OSBPL8: variants seen among roughly 807,000 people sequenced by gnomAD.
OSBPL8 encodes the protein oxysterol binding protein like 8, also known as oxysterol-binding protein-related protein 8.
Under a neutral mutation model 125.5 loss-of-function variants are expected in OSBPL8, and 59 were observed. The observed-to-expected ratio is 0.47, with a 90% CI of 0.38 to 0.58. The LOEUF is 0.58. OSBPL8 is among the 20% of genes least tolerant of loss of function. The pLI is 0.00. For missense variants in OSBPL8, 758 were observed against 1,047.8 expected, an observed-to-expected ratio of 0.72 and a Z score of 3.82; for synonymous variants, 330 against 338.9, an observed-to-expected ratio of 0.97 and a Z score of 0.29.
At position 76,409,201 on chromosome 12, in the gene OSBPL8, C is replaced by A. The variant is rs189812904; in HGVS notation, c.288+1363G>T. 2.6e-5 allele frequency among the ~76,000 whole-genome samples: 4 copies of A among 152,260 alleles called. No homozygotes were observed. The East Asian group carries it at 7.7e-4, about 29-fold the overall frequency. On this transcript the variant is annotated intron_variant, in intron 5 of 23. Transcript: ENST00000261183. ...GAAAAGCAGAAAGGTCACTCTCTGA[C>A]CTTCTGCCTTTCTGCTCTGAAGCAG... is the stretch of plus-strand genomic sequence containing the variant.
At chr12:76,554,424 G>A (rs2137530426) in intron 1 of OSBPL8, among the ~76,000 whole-genome samples, 1 of 152,246 alleles carries the variant, frequency 6.6e-6, no homozygotes, top group Non-Finnish European at 1.5e-5. Context: ...CAAAGTCAAA[G>A]GTCAGGTTAA....
intron 4 of OSBPL8, among the ~76,000 whole-genome samples, chr12:76,415,274 T>G (rs187206150): frequency 2.0e-5 from 3 of 150,578 alleles, no homozygotes; most frequent in African/African-American, 7.3e-5. Context: ...AGATGGAGTC[T>G]CGCTCTGTCA....
intron 2 of OSBPL8, among the ~76,000 whole-genome samples, chr12:76,463,611 A>C (rs1168353932): frequency 6.6e-6 from 1 of 152,200 alleles, no homozygotes; most frequent in Non-Finnish European, 1.5e-5. Context: ...GGCCCTAGAA[A>C]AACATATATT....
intron 3 of OSBPL8, 142 bp from the exon 4 acceptor site, chr12:76,451,130 TCA>T (rs1444932805): frequency 3.3e-6 from 3 of 900,466 alleles, no homozygotes; most frequent in African/African-American, 1.7e-5. Context: ...TAATAAATTC[TCA>T]CAGTCATCTT....
intron 2 of OSBPL8, among the ~76,000 whole-genome samples, chr12:76,486,557 G>A (rs773403998): frequency 7.2e-5 from 11 of 152,068 alleles, no homozygotes; most frequent in Admixed American, 5.9e-4. Flanking sequence ...AATTATTCTG[G>A]AGTAAAATCT....
chr12:76,430,096 C>T (rs1870630062), intron 4 of OSBPL8, among the ~76,000 whole-genome samples: 1 of 152,164 alleles, frequency 6.6e-6, no homozygotes, highest in African/African-American at 2.4e-5. Flanking sequence ...CAAAGACAAT[C>T]CTGTCCGCTG....
chr12:76,358,175 CT>C (rs60714321), intron 22 of OSBPL8, among the ~76,000 whole-genome samples: 58 of 100,202 alleles, frequency 5.8e-4, no homozygotes, highest in Middle Eastern at 0.014. Flanking sequence ...GAGTGTGGTT[CT>C]TTTTTTTTTT....
chr12:76,369,949 T>TAA (rs1359455662), intron 19 of OSBPL8, 127 bp from the exon 20 acceptor site: 1 of 874,814 alleles, frequency 1.1e-6, no homozygotes, highest in Non-Finnish European at 1.7e-6. Flanking sequence ...TGACAACACT[T>TAA]ATGCTCATAG....
chr12:76,393,662 GA>G (rs1198781814), intron 9 of OSBPL8, among the ~76,000 whole-genome samples: 2 of 120,780 alleles, frequency 1.7e-5, no homozygotes, highest in African/African-American at 6.4e-5. Flanking sequence ...AGTGAGCCGA[GA>G]TCGCATCACT....
chr12:76,447,997 A>G (rs1872919529), intron 4 of OSBPL8, among the ~76,000 whole-genome samples: 1 of 152,368 alleles, frequency 6.6e-6, no homozygotes, highest in South Asian at 2.1e-4. Flanking sequence ...TTTGGGGAAA[A>G]CTAGGCAAAA....
At chr12:76,414,427 A>G (rs564596836) in intron 4 of OSBPL8, among the ~76,000 whole-genome samples, 368 of 149,376 alleles carry the variant, frequency 2.5e-3, no homozygotes, top group African/African-American at 8.7e-3. Flanking sequence ...ATATATATTT[A>G]AGGAACAGGG....
chr12:76,433,196 C>G (rs1381287313), intron 4 of OSBPL8, among the ~76,000 whole-genome samples: 2 of 152,160 alleles, frequency 1.3e-5, no homozygotes, highest in Non-Finnish European at 2.9e-5. Context: ...CTCACCACTT[C>G]CATTCAACCT....
At chr12:76,503,978 C>T (rs969656442) in intron 1 of OSBPL8, among the ~76,000 whole-genome samples, 1 of 150,904 alleles carries the variant, frequency 6.6e-6, no homozygotes, top group Admixed American at 6.6e-5. Context: ...ATAGATGTTG[C>T]TGTGAAGACT....
intron 3 of OSBPL8, among the ~76,000 whole-genome samples, chr12:76,452,058 A>T (rs542778486): frequency 3.3e-5 from 5 of 152,200 alleles, no homozygotes; most frequent in South Asian, 2.1e-4. Context: ...CAGAGGTTGC[A>T]GTGAGCAGAG....
At chr12:76,460,451 C>CT (rs1343650290) in intron 2 of OSBPL8, among the ~76,000 whole-genome samples, 1 of 147,252 alleles carries the variant, frequency 6.8e-6, no homozygotes, top group East Asian at 2.0e-4. Context: ...TGAAGAGCAT[C>CT]TACAGAGGCA....
At chr12:76,513,343 C>T (rs1405759935) in intron 1 of OSBPL8, among the ~76,000 whole-genome samples, 1 of 152,130 alleles carries the variant, frequency 6.6e-6, no homozygotes, top group Non-Finnish European at 1.5e-5. Flanking sequence ...GTTTTATATC[C>T]AATTATGTGA....
chr12:76,502,303 T>C (rs917559673), intron 1 of OSBPL8, among the ~76,000 whole-genome samples: 3 of 152,192 alleles, frequency 2.0e-5, no homozygotes, highest in African/African-American at 7.2e-5. Context: ...CCTGTCCCCA[T>C]AACCCTACGC....
intron 1 of OSBPL8, among the ~76,000 whole-genome samples, chr12:76,548,767 T>A (rs970475583): frequency 6.6e-6 from 1 of 151,854 alleles, no homozygotes; most frequent in Non-Finnish European, 1.5e-5. Flanking sequence ...AAAAATCTAA[T>A]AGGGAAAACA....
intron 1 of OSBPL8, among the ~76,000 whole-genome samples, chr12:76,491,593 A>C (rs1878720363): frequency 6.6e-6 from 1 of 152,198 alleles, no homozygotes; most frequent in African/African-American, 2.4e-5. Context: ...CCTTGACTAC[A>C]TGTATTATAA....
Sources: gnomAD v4.1 joint callset for allele counts (sites outside exome capture counted in the v4.1 genomes callset) on GRCh38, gnomAD v4.1.1 for gene constraint, MANE v1.5 for transcripts, NCBI Gene and HGNC (gene_info 2026-07-23, HGNC 2026-07-21) for gene names.